The following DDX46 variants were observed in gnomAD, a reference collection of about 807,000 sequenced individuals.
The protein encoded by DDX46 is DEAD-box helicase 46, also known as probable ATP-dependent RNA helicase DDX46.
DDX46 carries 30 observed loss-of-function variants against 134.9 expected under a neutral mutation model. That is an observed-to-expected ratio of 0.22 (90% CI 0.17 to 0.30). The LOEUF is 0.30. Among genes scored for constraint, DDX46 ranks in the 10% least tolerant of loss-of-function variants. The pLI is 1.00. For missense variants in DDX46, 622 were observed against 1,248.7 expected, an observed-to-expected ratio of 0.50 and a Z score of 7.56; for synonymous variants, 415 against 404.1, an observed-to-expected ratio of 1.03 and a Z score of -0.32.
chr5:134,793,043 G>A (rs1411619039), intron 13 of DDX46, among the ~76,000 whole-genome samples: 1 of 152,040 alleles, frequency 6.6e-6, no homozygotes, highest in African/African-American at 2.4e-5. Context: ...TATCGTCCCA[G>A]CTACTCAGGA....
In DDX46 at chr5:134,784,160, G is replaced by C. The variant is rs79300068; in HGVS notation, c.1167-206G>C. 8.3e-3 allele frequency among the ~76,000 whole-genome samples: 1,260 copies of C among 152,164 alleles called. 18 individuals carry two copies. Among genetic ancestry groups the C allele is most frequent in the African/African-American group, 0.028 (1,148 of 41,514 alleles). ...AAACAATATATAGTCTTTACTGCCT[G>C]ATCTTTTTCACTTTACATAATGTTG... On this transcript the variant is annotated intron_variant, in intron 9 of 22. Coordinates refer to ENST00000452510, the MANE Select transcript of DDX46 (RefSeq NM_001300860.2).
chr5:134,802,119 T>A (rs1052572502), intron 15 of DDX46, among the ~76,000 whole-genome samples: 2 of 151,018 alleles, frequency 1.3e-5, no homozygotes, highest in Non-Finnish European at 2.9e-5. Flanking sequence ...TTTTTCAACC[T>A]TTTTTTTCCC....
chr5:134,808,094 A>G (rs1475542828), intron 16 of DDX46, among the ~76,000 whole-genome samples, 153 bp downstream of exon 16: 5 of 152,182 alleles, frequency 3.3e-5, no homozygotes, highest in Admixed American at 1.3e-4. Context: ...TAATTTATAT[A>G]CATGTACAGG....
intron 20 of DDX46, among the ~76,000 whole-genome samples, chr5:134,818,553 T>A (rs1019649205): frequency 6.6e-6 from 1 of 151,116 alleles, no homozygotes; most frequent in Non-Finnish European, 1.5e-5. Context: ...AATACAAAAA[T>A]AAGCTGGGCA....
intron 12 of DDX46, chr5:134,790,087 CTA>C: frequency 2.2e-6 from 1 of 461,576 alleles, no homozygotes; most frequent in Non-Finnish European, 4.3e-6. Flanking sequence ...GCTGTAATCT[CTA>C]ATATGTTTTT....
At chr5:134,775,224 G>C (rs775669290) in intron 5 of DDX46, among the ~76,000 whole-genome samples, 1 of 152,118 alleles carries the variant, frequency 6.6e-6, no homozygotes, top group South Asian at 2.1e-4. Flanking sequence ...TCAGTGTTGG[G>C]ATTACAGGCA....
At chr5:134,810,042 A>G (rs1038913321) in intron 16 of DDX46, among the ~76,000 whole-genome samples, 1 of 152,092 alleles carries the variant, frequency 6.6e-6, no homozygotes, top group African/African-American at 2.4e-5. Context: ...AAATCGCAAC[A>G]GTTGACTGTT....
intron 9 of DDX46, among the ~76,000 whole-genome samples, chr5:134,784,026 C>T (rs530674982): frequency 2.0e-5 from 3 of 152,094 alleles, no homozygotes; most frequent in African/African-American, 4.8e-5. Context: ...AAACTTTTGT[C>T]CATTAGTAGT....
chr5:134,759,462 G>A (rs1421745359), intron 1 of DDX46, among the ~76,000 whole-genome samples: 1 of 152,134 alleles, frequency 6.6e-6, no homozygotes, highest in Admixed American at 6.6e-5. Context: ...TACTTGTTGC[G>A]TGGGCATTTA....
At chr5:134,795,214 T>TG (rs1458311759) in intron 14 of DDX46, among the ~76,000 whole-genome samples, 200 bp downstream of exon 14, 6 of 143,646 alleles carry the variant, frequency 4.2e-5, no homozygotes, top group Non-Finnish European at 6.1e-5. Context: ...GTTTTTTTTT[T>TG]TTTTTGTTTT....
chr5:134,818,259 A>C (rs1338557405), intron 20 of DDX46, among the ~76,000 whole-genome samples: 1 of 151,366 alleles, frequency 6.6e-6, no homozygotes. Flanking sequence ...AAGCCTGGCT[A>C]ATTTTTCTAT....
At chr5:134,823,535 C>A (rs1489464960) in intron 21 of DDX46, among the ~76,000 whole-genome samples, 1 of 152,074 alleles carries the variant, frequency 6.6e-6, no homozygotes, top group Non-Finnish European at 1.5e-5. Flanking sequence ...GGATGTGTGG[C>A]CAGAACTAGG....
chr5:134,772,834 T>C (rs1753815898), intron 4 of DDX46, among the ~76,000 whole-genome samples: 1 of 152,100 alleles, frequency 6.6e-6, no homozygotes. Context: ...GGAGTTCTGC[T>C]CTTGTTGCTG....
intron 6 of DDX46, chr5:134,777,969 C>A: frequency 2.9e-6 from 1 of 350,708 alleles, no homozygotes; most frequent in South Asian, 6.3e-5. Context: ...ACATATTAAC[C>A]TTTTTAATAA....
intron 1 of DDX46, among the ~76,000 whole-genome samples, chr5:134,761,462 G>C (rs1561847746): frequency 6.6e-6 from 1 of 152,236 alleles, no homozygotes; most frequent in Non-Finnish European, 1.5e-5. Context: ...GGTTTCTACA[G>C]ATTGAACTTG....
Position 134,806,438 on chromosome 5 carries a change from T to C in DDX46, c.1955-1310T>C, listed in dbSNP as rs79299411. 7.4e-3 allele frequency among the ~76,000 whole-genome samples: 1,120 copies of C among 152,332 alleles called. 12 individuals carry two copies. The highest frequency in any genetic ancestry group is 0.026 in the African/African-American group (1,065 of 41,582). On this transcript the variant is annotated intron_variant, in intron 15 of 22. Transcript: ENST00000452510. ...ATATGCTGCTTCAGTTAGCATATTA[T>C]ATTCAATTCTAAGGAATCAATTTTA...
In DDX46 at chr5:134,796,088, A is replaced by G; in HGVS notation, c.1892A>G (p.His631Arg). The G allele has an allele frequency of 1.2e-6, 2 of 1,613,978 alleles. No individual in the cohort carries two copies. Among genetic ancestry groups the G allele is most frequent in the Non-Finnish European group, 8.5e-7 (1 of 1,179,952 alleles). The part of the protein sequence containing the change: ...SVIIFVDKQE[H>R]ADGLLKDLMR... ...ATTATATTTGTGGATAAGCAGGAAC[A>G]TGCTGATGGTCTTCTTAAGGATTTA... Residue 631 changes from histidine to arginine, a missense_variant, in exon 15 of 23, where the codon CAT (histidine) becomes CGT (arginine). Around this residue, in one of 8 missense-constraint regions of DDX46, gnomAD observed 209 missense variants for 508.4 expected, o/e 0.41. Transcript: ENST00000452510.
At chr5:134,817,448 T>C in intron 19 of DDX46, 48 bp from the exon 20 acceptor site, 1 of 1,574,426 alleles carries the variant, frequency 6.4e-7, no homozygotes, top group Non-Finnish European at 8.6e-7. Flanking sequence ...GTCCCTACTC[T>C]TGTCTCTGCC....
At chr5:134,784,023 T>C (rs1754256294) in intron 9 of DDX46, among the ~76,000 whole-genome samples, 1 of 152,242 alleles carries the variant, frequency 6.6e-6, no homozygotes, top group South Asian at 2.1e-4. Flanking sequence ...AAGAAACTTT[T>C]GTCCATTAGT....
Sources: gnomAD v4.1 joint callset for allele counts (sites outside exome capture counted in the v4.1 genomes callset) on GRCh38, gnomAD v4.1.1 for gene constraint, gnomAD v4.1.1 regional missense constraint, MANE v1.5 for transcripts, NCBI Gene and HGNC (gene_info 2026-07-23, HGNC 2026-07-21) for gene names.